Variants in ZNF710 observed in about 807,000 individuals in gnomAD.
ZNF710 encodes zinc finger protein 710.
ZNF710 carries 13 observed loss-of-function variants against 50.6 expected under a neutral mutation model. The ratio of observed to expected loss-of-function variants is 0.26; its 90% CI spans 0.17 to 0.41. The LOEUF is 0.41. Ranked by LOEUF, ZNF710 falls within the 10% of genes least tolerant of loss-of-function variation. ZNF710 has a pLI of 1.00. For missense variants in ZNF710, 721 were observed against 936.6 expected, an observed-to-expected ratio of 0.77 and a Z score of 3.01; for synonymous variants, 383 against 397.0, an observed-to-expected ratio of 0.96 and a Z score of 0.42.
chr15:90,005,032 T>A (rs76895279), intron 1 of ZNF710, among the ~76,000 whole-genome samples: 1 of 152,210 alleles, frequency 6.6e-6, no homozygotes, highest in Non-Finnish European at 1.5e-5. Context: ...CTTTGACTTG[T>A]ATGTGATTTA....
At chr15:90,010,437 C>T (rs1898267283) in intron 1 of ZNF710, among the ~76,000 whole-genome samples, 2 of 152,120 alleles carry the variant, frequency 1.3e-5, no homozygotes, top group South Asian at 2.1e-4. Flanking sequence ...CACAGGCATG[C>T]ACCACCACAG....
At chr15:90,042,989 A>G (rs1256400928) in intron 1 of ZNF710, among the ~76,000 whole-genome samples, 3 of 152,194 alleles carry the variant, frequency 2.0e-5, no homozygotes, top group Admixed American at 1.3e-4. Flanking sequence ...AAAAGAGCCA[A>G]CCCACCCGCT....
intron 1 of ZNF710, among the ~76,000 whole-genome samples, chr15:90,042,615 C>T (rs554655893): frequency 6.6e-6 from 1 of 152,282 alleles, no homozygotes; most frequent in South Asian, 2.1e-4. Flanking sequence ...TAAAGGTGAC[C>T]CCATTTCAGG....
At chr15:90,058,477 C>T (rs1057352844) in intron 1 of ZNF710, among the ~76,000 whole-genome samples, 2 of 148,260 alleles carry the variant, frequency 1.3e-5, no homozygotes, top group Non-Finnish European at 3.0e-5. Flanking sequence ...TCTCACTTAC[C>T]GCATTCAGTC....
In ZNF710 at chr15:90,062,080, T is replaced by G. The variant is rs1161981274; in HGVS notation, c.-28-5030T>G. ...CCTGGGAAATAGGGCAGTCCTGGGC[T>G]TCCGGTGTCACTGCACGCCCCTCCC... On this transcript the variant is annotated intron_variant, in intron 1 of 4. Transcript: ENST00000268154. The surrounding 1 kb of genome is among the most constrained non-coding windows in gnomAD (Gnocchi z 5.6). Among the ~76,000 whole-genome samples, 1 of 151,796 alleles carries G rather than the reference T, an allele frequency of 6.6e-6. No individual in the cohort carries two copies. Among genetic ancestry groups the G allele is most frequent in the Non-Finnish European group, 1.5e-5 (1 of 67,906 alleles).
Position 90,072,997 on chromosome 15 carries a change from C to T in ZNF710, c.1459-74C>T, listed in dbSNP as rs368503921. 3,494 of 1,512,418 alleles carry T rather than the reference C, an allele frequency of 2.3e-3. 102 individuals are homozygous for T. In the South Asian group the frequency reaches 0.04, roughly 17 times the overall value. The allele number at this position is 1,512,418 out of a possible 1,614,324, so 93.7% of individuals were successfully genotyped here. On this transcript the variant is annotated intron_variant, in intron 2 of 4. Transcript: ENST00000268154. ...GTGATGCTATGGCCCTGCCCCTACC[C>T]GGCTCCCCACAAAGGGTCACTGCCA...
chr15:90,063,585 C>T (rs771323129), intron 1 of ZNF710, among the ~76,000 whole-genome samples: 3 of 152,134 alleles, frequency 2.0e-5, no homozygotes, highest in Non-Finnish European at 4.4e-5. Flanking sequence ...CACAGACGCA[C>T]CTTCTCAAGT....
At chr15:90,028,914 A>G (rs1898854547) in intron 1 of ZNF710, among the ~76,000 whole-genome samples, 2 of 152,242 alleles carry the variant, frequency 1.3e-5, no homozygotes, top group Non-Finnish European at 2.9e-5. Flanking sequence ...AAACACATGC[A>G]TGAAGAGGAC....
chr15:90,010,615 T>C (rs1256823), intron 1 of ZNF710, among the ~76,000 whole-genome samples: 72 of 152,274 alleles, frequency 4.7e-4, no homozygotes, highest in East Asian at 3.3e-3. Context: ...CAGATTTCTT[T>C]CTACCATCGT....
intron 1 of ZNF710, among the ~76,000 whole-genome samples, chr15:90,031,070 G>C (rs1183260468): frequency 6.8e-6 from 1 of 146,266 alleles, no homozygotes; most frequent in African/African-American, 2.6e-5. Context: ...GTAACAAATG[G>C]ATACCAACAA....
At chr15:90,041,169 C>T (rs561779892) in intron 1 of ZNF710, among the ~76,000 whole-genome samples, 1 of 151,850 alleles carries the variant, frequency 6.6e-6, no homozygotes, top group Non-Finnish European at 1.5e-5. Flanking sequence ...AGGTATCTTG[C>T]CAGTTAAATT....
At position 90,067,677 on chromosome 15, in the gene ZNF710, G is replaced by A. The variant is rs373535636; in HGVS notation, c.540G>A (p.Pro180=). 2.9e-5 allele frequency: 46 copies of A among 1,612,802 alleles called. No individual in the cohort carries two copies. The African/African-American group carries it at 2.9e-4, about 10-fold the overall frequency. ...GGCATCTGCCCCGAACCCCGAGGCC[G>A]GAGCTGAACGTGGCCCCATATGACC... ...TLRHLPRTPR[P]ELNVAPYDPH... Residue 180 remains proline, a synonymous_variant, in exon 2 of 5, where the codon CCG becomes CCA. Coordinates refer to ENST00000268154, the MANE Select transcript of ZNF710 (RefSeq NM_198526.4). This position sits in a 1 kb window ranked among gnomAD's most constrained non-coding sequence, Gnocchi z 8.1.
rs1398836170 is a variant in ZNF710, at chr15:90,034,613, A to T, written c.-28-32497A>T. ...CAGGGGAAGCCTGGCAGCTTGGCTG[A>T]GCCTCCTCCGGCCTCTGCCTCACCC... is the stretch of plus-strand genomic sequence containing the variant. On this transcript the variant is annotated intron_variant, in intron 1 of 4. Transcript: ENST00000268154. The surrounding 1 kb of genome is among the most constrained non-coding windows in gnomAD (Gnocchi z 4.0). Among the ~76,000 whole-genome samples, 2 of 151,988 alleles carry T rather than the reference A, an allele frequency of 1.3e-5. No individual in the cohort carries two copies. The highest frequency in any genetic ancestry group is 4.8e-5 in the African/African-American group (2 of 41,364).
In ZNF710 at chr15:90,062,669, G is replaced by A. The variant is rs564025099; in HGVS notation, c.-28-4441G>A. ...TTTAGCCTGGGAGATGGAACAGAGC[G>A]GGTGAGGAGACACGAGGCACAATGC... On this transcript the variant is annotated intron_variant, in intron 1 of 4. Transcript: ENST00000268154. The surrounding 1 kb of genome is among the most constrained non-coding windows in gnomAD (Gnocchi z 5.6). Among the ~76,000 whole-genome samples, 1 of 152,192 alleles carries A rather than the reference G, an allele frequency of 6.6e-6. No homozygotes were observed. Among genetic ancestry groups the A allele is most frequent in the Non-Finnish European group, 1.5e-5 (1 of 68,026 alleles).
chr15:90,060,500 G>A (rs577643044), intron 1 of ZNF710, among the ~76,000 whole-genome samples: 1 of 151,778 alleles, frequency 6.6e-6, no homozygotes, highest in South Asian at 2.1e-4. Context: ...GCTGCAGTGA[G>A]CTATGATGGC....
chr15:90,001,052 GAA>G (rs1217535799), upstream of ZNF710, among the ~76,000 whole-genome samples: 5 of 152,148 alleles, frequency 3.3e-5, no homozygotes, highest in Non-Finnish European at 5.9e-5. Flanking sequence ...ATTTTCAAAC[GAA>G]ACTCCCACAG....
At position 90,034,519 on chromosome 15, in the gene ZNF710, A is replaced by AG. The variant is rs1899055523; in HGVS notation, c.-28-32588dup. Reference sequence around the variant, plus strand: ...TGGTGGCCATGGTGTCGGCAGCAGCAGGGTTGTCAGGAAACAACCATCGGT... The same window carrying AG: ...TGGTGGCCATGGTGTCGGCAGCAGCAGGGGTTGTCAGGAAACAACCATCGGT... On this transcript the variant is annotated intron_variant, in intron 1 of 4. Coordinates refer to ENST00000268154, the MANE Select transcript of ZNF710 (RefSeq NM_198526.4). The surrounding 1 kb of genome is among the most constrained non-coding windows in gnomAD (Gnocchi z 4.0). Among the ~76,000 whole-genome samples, 1 of 150,092 alleles carries AG rather than the reference A, an allele frequency of 6.7e-6. No homozygotes were observed. The highest frequency in any genetic ancestry group is 1.5e-5 in the Non-Finnish European group (1 of 67,758).
intron 1 of ZNF710, among the ~76,000 whole-genome samples, chr15:90,038,513 A>C (rs530060688): frequency 5.1e-4 from 78 of 152,286 alleles, no homozygotes; most frequent in African/African-American, 1.8e-3. Flanking sequence ...CCCCATTTGC[A>C]ACCACGGTGC....
At chr15:90,077,870 C>T (rs997398131) in intron 4 of ZNF710, among the ~76,000 whole-genome samples, 1 of 151,902 alleles carries the variant, frequency 6.6e-6, no homozygotes, top group African/African-American at 2.4e-5. Context: ...GATTGCACCA[C>T]TGCACCCCAG....
Sources: gnomAD v4.1 joint callset for allele counts (sites outside exome capture counted in the v4.1 genomes callset) on GRCh38, gnomAD v4.1.1 for gene constraint, Gnocchi (gnomAD v3.1) non-coding constraint, MANE v1.5 for transcripts, NCBI Gene and HGNC (gene_info 2026-07-23, HGNC 2026-07-21) for gene names.